ITGBL1: variants seen among roughly 807,000 people sequenced by gnomAD.
ITGBL1 encodes the protein integrin subunit beta like 1.
ITGBL1 carries 51 observed loss-of-function variants against 68.5 expected under a neutral mutation model. The observed-to-expected ratio is 0.74, with a 90% confidence interval of 0.59 to 0.94. ITGBL1 has a LOEUF of 0.94. Ranked by LOEUF, ITGBL1 falls within the 40% of genes least tolerant of loss-of-function variation. ITGBL1 has a pLI of 0.00. For missense variants in ITGBL1, 649 were observed against 647.4 expected (o/e 1.00, Z -0.03); for synonymous variants, 209 against 227.3 (o/e 0.92, Z 0.72).
chr13:101,669,433 G>A (rs1033966723), intron 7 of ITGBL1, among the ~76,000 whole-genome samples: 6 of 152,214 alleles, frequency 3.9e-5, no homozygotes, highest in South Asian at 2.1e-4. Context: ...TAATCAAGTC[G>A]TAAAAGGTCT....
At chr13:101,656,421 A>G (rs528986426) in intron 7 of ITGBL1, among the ~76,000 whole-genome samples, 1 of 152,168 alleles carries the variant, frequency 6.6e-6, no homozygotes, top group East Asian at 1.9e-4. Flanking sequence ...TTGGGCTAAA[A>G]TATTTTGATT....
intron 7 of ITGBL1, among the ~76,000 whole-genome samples, chr13:101,622,407 T>A (rs2139390228): frequency 6.6e-6 from 1 of 152,304 alleles, no homozygotes; most frequent in South Asian, 2.1e-4. Context: ...TGCCCTTCTC[T>A]CTGTCTAGAA....
intron 2 of ITGBL1, among the ~76,000 whole-genome samples, chr13:101,466,767 G>A (rs2048387298): frequency 6.6e-6 from 1 of 152,188 alleles, no homozygotes; most frequent in Admixed American, 6.5e-5. Context: ...AAACAGTACA[G>A]ATCGATCTTT....
chr13:101,569,698 T>C (rs1446029894), intron 3 of ITGBL1, among the ~76,000 whole-genome samples: 1 of 152,184 alleles, frequency 6.6e-6, no homozygotes, highest in Non-Finnish European at 1.5e-5. Context: ...TGTACTTATC[T>C]TGGATTTGTC....
intron 3 of ITGBL1, among the ~76,000 whole-genome samples, chr13:101,574,735 T>C (rs992309084): frequency 6.6e-6 from 1 of 152,122 alleles, no homozygotes; most frequent in Non-Finnish European, 1.5e-5. Flanking sequence ...GGGGATGTGG[T>C]AGAATCTTCA....
At chr13:101,582,100 C>G (rs1052236367) in intron 5 of ITGBL1, among the ~76,000 whole-genome samples, 5 of 151,988 alleles carry the variant, frequency 3.3e-5, no homozygotes, top group African/African-American at 1.2e-4. Context: ...TTGTTCTTTC[C>G]TTTTGTCTAT....
chr13:101,699,179 AC>A (rs930966404), intron 8 of ITGBL1, among the ~76,000 whole-genome samples: 1 of 152,196 alleles, frequency 6.6e-6, no homozygotes, highest in Non-Finnish European at 1.5e-5. Flanking sequence ...TTAAAATTGC[AC>A]ACCTGTTTCG....
chr13:101,681,964 A>C (rs2033654083), intron 7 of ITGBL1, among the ~76,000 whole-genome samples: 1 of 152,222 alleles, frequency 6.6e-6, no homozygotes, highest in Non-Finnish European at 1.5e-5. Flanking sequence ...TCACAATTTC[A>C]CAATCTTTAC....
chr13:101,513,818 C>G (rs2049152970), intron 2 of ITGBL1, among the ~76,000 whole-genome samples: 1 of 152,006 alleles, frequency 6.6e-6, no homozygotes, highest in African/African-American at 2.4e-5. Flanking sequence ...TTATTTTGCA[C>G]CAATATTCTA....
At chr13:101,714,184 C>A in intron 9 of ITGBL1, 1 of 431,714 alleles carries the variant, frequency 2.3e-6, no homozygotes, top group Non-Finnish European at 4.1e-6. Flanking sequence ...ATTGACATTT[C>A]AACCAGACTG....
At chr13:101,635,573 C>A (rs533878091) in intron 7 of ITGBL1, among the ~76,000 whole-genome samples, 1 of 152,050 alleles carries the variant, frequency 6.6e-6, no homozygotes, top group Admixed American at 6.6e-5. Flanking sequence ...GAAATGTGGC[C>A]ATATTTCAAT....
chr13:101,704,127 T>C (rs960986293), intron 8 of ITGBL1, among the ~76,000 whole-genome samples: 2 of 152,160 alleles, frequency 1.3e-5, no homozygotes, highest in African/African-American at 4.8e-5. Context: ...GCTGACTCTT[T>C]ACAGCACCCT....
intron 2 of ITGBL1, among the ~76,000 whole-genome samples, chr13:101,555,762 T>C (rs558517017): frequency 3.3e-5 from 5 of 152,242 alleles, no homozygotes; most frequent in East Asian, 1.9e-4. Context: ...CTGGCTCCAA[T>C]TGGTTTTGAA....
intron 7 of ITGBL1, among the ~76,000 whole-genome samples, chr13:101,671,402 G>A (rs1210047213): frequency 1.3e-5 from 2 of 148,320 alleles, no homozygotes; most frequent in African/African-American, 4.9e-5. Context: ...ATAATTTACA[G>A]CTATTTGACA....
chr13:101,468,839 C>T (rs1026917328), intron 2 of ITGBL1, among the ~76,000 whole-genome samples: 2 of 152,160 alleles, frequency 1.3e-5, no homozygotes, highest in African/African-American at 4.8e-5. Flanking sequence ...AGCATTTTCT[C>T]AGCTGTAGTT....
At position 101,530,626 on chromosome 13, in the gene ITGBL1, T is replaced by C. The variant is rs1379650246; in HGVS notation, c.317-37073T>C. 2.6e-5 allele frequency among the ~76,000 whole-genome samples: 4 copies of C among 152,336 alleles called. No individual in the cohort carries two copies. In the East Asian group the frequency reaches 5.8e-4, roughly 22 times the overall value. ...TTTCTTGTAATAGAAATCAGTGTTA[T>C]TTTATTTTACATCCTGATATTTTAT... is the stretch of plus-strand genomic sequence containing the variant. On this transcript the variant is annotated intron_variant, in intron 2 of 10. Coordinates refer to ENST00000376180, the MANE Select transcript of ITGBL1 (RefSeq NM_004791.3).
At chr13:101,627,667 C>G (rs979841240) in intron 7 of ITGBL1, among the ~76,000 whole-genome samples, 2 of 152,080 alleles carry the variant, frequency 1.3e-5, no homozygotes, top group African/African-American at 4.8e-5. Flanking sequence ...TTTACTGTCA[C>G]CATAGTTTTG....
intron 2 of ITGBL1, among the ~76,000 whole-genome samples, chr13:101,540,384 AG>A (rs2049672126): frequency 6.6e-6 from 1 of 152,030 alleles, no homozygotes; most frequent in South Asian, 2.1e-4. Context: ...ATTATTTCTG[AG>A]GGCTCTGTTC....
chr13:101,505,730 G>T (rs1050268774), intron 2 of ITGBL1, among the ~76,000 whole-genome samples: 5 of 151,598 alleles, frequency 3.3e-5, no homozygotes, highest in African/African-American at 1.2e-4. Flanking sequence ...CTCCGTCTGA[G>T]AAACCATCAA....
Sources: gnomAD v4.1 joint callset for allele counts (sites outside exome capture counted in the v4.1 genomes callset) on GRCh38, gnomAD v4.1.1 for gene constraint, MANE v1.5 for transcripts, NCBI Gene and HGNC (gene_info 2026-07-23, HGNC 2026-07-21) for gene names.